Variants in NDUFS1 observed in about 807,000 individuals in gnomAD.
NDUFS1 encodes the protein NADH:ubiquinone oxidoreductase core subunit S1, also known as NADH-ubiquinone oxidoreductase 75 kDa subunit, mitochondrial.
In NDUFS1, 61 loss-of-function variants were observed where a neutral mutation model predicts 84.4. The observed-to-expected ratio is 0.72, with a 90% CI of 0.59 to 0.89. NDUFS1 has a LOEUF of 0.89. NDUFS1 is among the 40% of genes least tolerant of loss of function. The pLI, the probability that NDUFS1 is intolerant of heterozygous loss-of-function variation, is 0.00. For synonymous variants in NDUFS1, 275 were observed against 290.0 expected (o/e 0.95, Z 0.53); for missense variants, 891 against 890.0 (o/e 1.00, Z -0.01).
Position 206,122,618 on chromosome 2 carries a change from A to G in NDUFS1, c.*1567T>C, listed in dbSNP as rs1240653888. The G allele has an allele frequency of 8.0e-6, 1 of 124,614 alleles. No individual in the cohort carries two copies. Among genetic ancestry groups the G allele is most frequent in the Non-Finnish European group, 1.7e-5 (1 of 58,056 alleles). 7.7% of individuals were successfully genotyped at this position (124,614 alleles called of 1,614,324 possible). ...CATTCCAGCCTTGGGTGACAGAGTA[A>G]GACTCCATCTCAAAAAAAAAAAAAA... is the stretch of plus-strand genomic sequence containing the variant. On this transcript the variant is annotated 3_prime_UTR_variant, in exon 19 of 19. Coordinates refer to ENST00000233190, the MANE Select transcript of NDUFS1 (RefSeq NM_005006.7).
At chr2:206,153,510 T>C (rs1692453548) in intron 2 of NDUFS1, 108 bp downstream of exon 2, 3 of 724,918 alleles carry the variant, frequency 4.1e-6, no homozygotes, top group Non-Finnish European at 4.7e-6. Context: ...TCTATTTTTA[T>C]TTTAAAAAAT....
chr2:206,117,787 C>T lies in NDUFS1; in HGVS notation c.*6398G>A, dbSNP rs576487079. ...AGAAGAGCTGATCCAAACCCAAGAT[C>T]TGCCCCTAACTTGCCTCTTATTCTT... On this transcript the variant is annotated 3_prime_UTR_variant, in exon 19 of 19. Coordinates refer to ENST00000233190, the MANE Select transcript of NDUFS1 (RefSeq NM_005006.7). The T allele has an allele frequency of 6.6e-6, 1 of 152,344 alleles. No individual in the cohort carries two copies. The highest frequency in any genetic ancestry group is 1.9e-4 in the East Asian group (1 of 5,190). 9.4% of individuals were successfully genotyped at this position (152,344 alleles called of 1,614,324 possible). A position where few individuals can be genotyped will look rare whatever the true frequency, so the allele number is the denominator to read the frequency against.
chr2:206,146,742 TCCATTC>T (rs1278182039), intron 8 of NDUFS1, among the ~76,000 whole-genome samples, 155 bp downstream of exon 8: 22 of 152,308 alleles, frequency 1.4e-4, no homozygotes, highest in Admixed American at 1.4e-3. Context: ...ACAGGTTCAA[TCCATTC>T]TAACTACTTA....
intron 13 of NDUFS1, among the ~76,000 whole-genome samples, chr2:206,136,554 C>T (rs901760218): frequency 7.3e-5 from 11 of 151,162 alleles, no homozygotes; most frequent in African/African-American, 2.4e-4. Flanking sequence ...CACCCTCAGG[C>T]TCCCGAGTAG....
In NDUFS1 at chr2:206,144,036, G is replaced by A. The variant is rs369091692; in HGVS notation, c.969C>T (p.Leu323=). ...ATTTTACCATTCCAGCTACGCGAGAGAGCGCATCCTCCCAAGAAGTATAGG... is the reference window on the plus strand; with the variant it reads ...ATTTTACCATTCCAGCTACGCGAGAAAGCGCATCCTCCCAAGAAGTATAGG... ...LLTYTSWEDA[L]SRVAGMLQSF... The change falls in exon 10 of 19, where the codon CTC becomes CTT. Residue 323 remains leucine, a synonymous_variant. Coordinates refer to ENST00000233190, the MANE Select transcript of NDUFS1 (RefSeq NM_005006.7). 3.1e-6 allele frequency: 5 copies of A among 1,611,680 alleles called. No homozygotes were observed. In the Admixed American group the frequency reaches 8.3e-5, roughly 27 times the overall value.
At position 206,115,944 on chromosome 2, in the gene NDUFS1, T is replaced by C. The variant is rs373039948; in HGVS notation, c.*8241A>G. 24 of 665,290 alleles carry C rather than the reference T, an allele frequency of 3.6e-5. No homozygotes were observed. The African/African-American group carries it at 4.2e-4, about 12-fold the overall frequency. The allele number at this position is 665,290 out of a possible 1,614,324, so 41.2% of individuals were successfully genotyped here. A position where few individuals can be genotyped will look rare whatever the true frequency, so the allele number is the denominator to read the frequency against. ...CACATATTATGTTTATCTACAATCA[T>C]TAGAAAGTTAAAAGGCATCTTCTTT... On this transcript the variant is annotated 3_prime_UTR_variant, in exon 19 of 19. Transcript: ENST00000233190.
intron 12 of NDUFS1, among the ~76,000 whole-genome samples, chr2:206,139,765 C>T (rs1691862216): frequency 6.7e-6 from 1 of 149,770 alleles, no homozygotes; most frequent in Non-Finnish European, 1.5e-5. Flanking sequence ...CCCTCTTTCA[C>T]TCCCGTAGTT....
At position 206,149,080 on chromosome 2, in the gene NDUFS1, G is replaced by T; in HGVS notation, c.278C>A (p.Ala93Asp). ...EKAPKVVAAC[A>D]MPVMKGWNIL... ...ATTCCAACCCTTCATTACTGGCATG[G>T]CACAAGCAGCTACAACCTGGGATTT... The change falls in exon 5 of 19, where the codon GCC becomes GAC. Residue 93 changes from alanine (A) to aspartate (D), a missense_variant. Physicochemically the swap from Ala to Asp is moderately radical, Grantham distance 126. Transcript: ENST00000233190. 1.2e-6 allele frequency: 2 copies of T among 1,612,058 alleles called. No homozygotes were observed. The highest frequency in any genetic ancestry group is 1.7e-6 in the Non-Finnish European group (2 of 1,179,188).
intron 1 of NDUFS1, among the ~76,000 whole-genome samples, chr2:206,157,217 TTGGGATTACAGACGTGAGTCACCG>T (rs1490963018): frequency 6.6e-5 from 10 of 152,328 alleles, no homozygotes; most frequent in Non-Finnish European, 1.2e-4. Flanking sequence ...TCCCAACGTG[TTGGGATTACAGACGTGAGTCACCG>T]CGCCTGGCAG....
chr2:206,126,935 C>T (rs1691316722), intron 16 of NDUFS1, 91 bp from the exon 17 acceptor site: 4 of 1,501,094 alleles, frequency 2.7e-6, no homozygotes, highest in South Asian at 1.1e-5. Context: ...TGAAATAATG[C>T]AGCACTACTG....
In NDUFS1 at chr2:206,140,493, TTTTTG is replaced by T. The variant is rs1386337677; in HGVS notation, c.1262+1443_1262+1447del. On this transcript the variant is annotated intron_variant, in intron 12 of 18. Coordinates refer to ENST00000233190, the MANE Select transcript of NDUFS1 (RefSeq NM_005006.7). ...GAAACCAAAAAAACTAAATTTCTTT[TTTTTG>T]AGATGGAGTGTTGCTCTTGTTGCCC... is the stretch of plus-strand genomic sequence containing the variant. 3.3e-5 allele frequency among the ~76,000 whole-genome samples: 5 copies of T among 152,130 alleles called. No homozygotes were observed. The East Asian group carries it at 9.7e-4, about 29-fold the overall frequency.
chr2:206,127,972 C>G lies in NDUFS1; in HGVS notation c.1709G>C (p.Gly570Ala), dbSNP rs543614624. The G allele has an allele frequency of 6.2e-7, 1 of 1,613,944 alleles. No individual in the cohort carries two copies. The highest frequency in any genetic ancestry group is 2.2e-5 in the East Asian group (1 of 44,874). Residue 570 changes from glycine to alanine, a missense_variant and splice_region_variant, in exon 16 of 19, where the codon GGA becomes GCA. Coordinates refer to ENST00000233190, the MANE Select transcript of NDUFS1 (RefSeq NM_005006.7). ...GGGAGCCCCAACATCACCATGATGTCCTGCACAAAGATGGAAAATGGTAAA... is the reference window on the plus strand; with the variant it reads ...GGGAGCCCCAACATCACCATGATGTGCTGCACAAAGATGGAAAATGGTAAA... ...LPKDCFIIYQGHHGDVGAPIA... is the reference protein window; with the variant it reads ...LPKDCFIIYQAHHGDVGAPIA...
At chr2:206,138,417 A>G (rs1691804848) in intron 13 of NDUFS1, 68 bp downstream of exon 13, 1 of 1,548,306 alleles carries the variant, frequency 6.5e-7, no homozygotes, top group Admixed American at 1.7e-5. Flanking sequence ...GATTATTACA[A>G]AAACAGTTAA....
chr2:206,141,616 G>A (rs140719175), intron 12 of NDUFS1, among the ~76,000 whole-genome samples: 8 of 145,722 alleles, frequency 5.5e-5, no homozygotes, highest in East Asian at 2.0e-4. Flanking sequence ...AAAAAGGCTC[G>A]GTGCAGTGGC....
At chr2:206,138,098 T>A (rs547435552) in intron 13 of NDUFS1, among the ~76,000 whole-genome samples, 9 of 152,314 alleles carry the variant, frequency 5.9e-5, no homozygotes, top group African/African-American at 2.2e-4. Flanking sequence ...GGTGTAAGTT[T>A]TTTTGGGGGT....
chr2:206,149,933 T>TAAAAAAAA lies in NDUFS1; in HGVS notation c.154-16_154-9dup. On this transcript the variant is annotated splice_polypyrimidine_tract_variant and intron_variant, in intron 3 of 18. Coordinates refer to ENST00000233190, the MANE Select transcript of NDUFS1 (RefSeq NM_005006.7). Reference sequence around the variant, plus strand: ...GCCAACCTTCTCACAAGCCTAGAAGTAAAAAAAAAAAAAAAAAAAAAAAAA... The same window carrying TAAAAAAAA: ...GCCAACCTTCTCACAAGCCTAGAAGTAAAAAAAAAAAAAAAAAAAAAAAAAAAAAAAAA... 1 of 602,022 alleles carries TAAAAAAAA rather than the reference T, an allele frequency of 1.7e-6. No homozygotes were observed. 37.3% of individuals were successfully genotyped at this position (602,022 alleles called of 1,614,324 possible).
Position 206,144,747 on chromosome 2 carries a change from T to C in NDUFS1, c.872+145A>G. The C allele has an allele frequency of 3.8e-6, 3 of 786,048 alleles. No homozygotes were observed. The South Asian group carries it at 5.5e-5, about 14-fold the overall frequency. The allele number at this position is 786,048 out of a possible 1,614,324, so 48.7% of individuals were successfully genotyped here. ...ATTGACCTAGGACTATTAAAGTCAGTATTATCACATTATATAAGCAACTCA... is the reference window on the plus strand; with the variant it reads ...ATTGACCTAGGACTATTAAAGTCAGCATTATCACATTATATAAGCAACTCA... On this transcript the variant is annotated intron_variant, in intron 9 of 18. Coordinates refer to ENST00000233190, the MANE Select transcript of NDUFS1 (RefSeq NM_005006.7).
chr2:206,127,585 GCTCTGTCC>G (rs1378572568), intron 16 of NDUFS1: 4 of 560,186 alleles, frequency 7.1e-6, no homozygotes, highest in Non-Finnish European at 1.3e-5. Flanking sequence ...ACAGGGTCTT[GCTCTGTCC>G]CTCAGGCTGG....
chr2:206,136,740 T>G (rs774552996), intron 13 of NDUFS1, among the ~76,000 whole-genome samples: 5 of 148,286 alleles, frequency 3.4e-5, no homozygotes, highest in Non-Finnish European at 7.5e-5. Flanking sequence ...GGCCGGAAAT[T>G]CCTTAGTTTC....
Sources: allele counts gnomAD v4.1 joint callset (sites outside exome capture counted in the v4.1 genomes callset), GRCh38; gene constraint gnomAD v4.1.1; transcripts MANE v1.5; gene names NCBI Gene and HGNC (gene_info 2026-07-23, HGNC 2026-07-21).